The following CNTN4 variants were observed in gnomAD, a reference collection of about 807,000 sequenced individuals.
CNTN4 encodes contactin 4, also known as contactin-4.
CNTN4 carries 77 observed loss-of-function variants against 122.5 expected under a neutral mutation model. That is an observed-to-expected ratio of 0.63 (90% CI 0.52 to 0.76). The LOEUF (loss-of-function observed/expected upper bound fraction) is 0.76. Ranked by LOEUF, CNTN4 falls within the 30% of genes least tolerant of loss-of-function variation. CNTN4 has a pLI of 0.00. For missense variants in CNTN4, 1,256 were observed against 1,259.1 expected (o/e 1.00, Z 0.04); for synonymous variants, 512 against 447.0 (o/e 1.15, Z -1.83).
Position 2,895,342 on chromosome 3 carries a change from A to G in CNTN4, c.941-5343A>G, listed in dbSNP as rs147533762. ...TAATGATAATGTTCTCCTAATTTTC[A>G]TAACATTTACAGGAGGCAGAGCACA... On this transcript the variant is annotated intron_variant, in intron 10 of 24. Coordinates refer to ENST00000418658, the MANE Select transcript of CNTN4 (RefSeq NM_175607.3). Among the ~76,000 whole-genome samples the G allele has an allele frequency of 7.9e-3, 1,205 of 152,340 alleles. 9 individuals are homozygous for G. The highest frequency in any genetic ancestry group is 0.014 in the South Asian group (69 of 4,826).
intron 4 of CNTN4, among the ~76,000 whole-genome samples, chr3:2,672,514 C>A (rs1364549728): frequency 6.6e-6 from 1 of 152,212 alleles, no homozygotes; most frequent in East Asian, 1.9e-4. Context: ...CCGTCTGTCA[C>A]CCCTTTCCTT....
At chr3:2,337,938 A>C (rs531122980) in intron 2 of CNTN4, among the ~76,000 whole-genome samples, 1 of 152,198 alleles carries the variant, frequency 6.6e-6, no homozygotes, top group Admixed American at 6.5e-5. Flanking sequence ...TAATGTAAGA[A>C]AGATAGGTGT....
intron 4 of CNTN4, among the ~76,000 whole-genome samples, chr3:2,724,265 G>A (rs1230083150): frequency 1.3e-5 from 2 of 152,022 alleles, no homozygotes; most frequent in South Asian, 2.1e-4. Flanking sequence ...TGGATTTCCC[G>A]ACAAACTTTC....
At chr3:3,043,265 TAGC>T in intron 22 of CNTN4, 102 bp downstream of exon 22, 13 of 1,016,006 alleles carry the variant, frequency 1.3e-5, no homozygotes, top group Non-Finnish European at 2.0e-5. Context: ...TACTAATTAG[TAGC>T]ATGTGGATTC....
chr3:2,370,875 A>G (rs2045606649), intron 3 of CNTN4, among the ~76,000 whole-genome samples: 3 of 152,328 alleles, frequency 2.0e-5, no homozygotes, highest in African/African-American at 4.8e-5. Context: ...TTAGGCATGC[A>G]GTTTTTAAGA....
intron 2 of CNTN4, among the ~76,000 whole-genome samples, chr3:2,224,936 G>A (rs1345605880): frequency 6.6e-6 from 1 of 151,720 alleles, no homozygotes; most frequent in Non-Finnish European, 1.5e-5. Flanking sequence ...GGATCACGAG[G>A]TCAGGAGATG....
intron 2 of CNTN4, among the ~76,000 whole-genome samples, chr3:2,338,949 A>G (rs377006007): frequency 2.0e-5 from 3 of 152,244 alleles, no homozygotes; most frequent in East Asian, 1.9e-4. Context: ...GACCTTCTCA[A>G]AAGTCACTCA....
chr3:2,753,822 T>A (rs114113956), intron 6 of CNTN4, among the ~76,000 whole-genome samples: 258 of 152,358 alleles, frequency 1.7e-3, no homozygotes, highest in African/African-American at 5.8e-3. Context: ...CTTGATGCCA[T>A]CATACTGTTG....
chr3:2,779,509 C>G (rs988692003), intron 6 of CNTN4, among the ~76,000 whole-genome samples: 3 of 151,992 alleles, frequency 2.0e-5, no homozygotes, highest in Admixed American at 2.0e-4. Flanking sequence ...ACTTAGAAAT[C>G]AATTTTATTT....
intron 3 of CNTN4, among the ~76,000 whole-genome samples, chr3:2,437,616 A>T (rs1468767976): frequency 1.3e-5 from 2 of 152,238 alleles, no homozygotes; most frequent in African/African-American, 4.8e-5. Context: ...TATATTGATT[A>T]AAAGATAGAT....
chr3:2,672,030 G>A lies in CNTN4; in HGVS notation c.56-64185G>A, dbSNP rs1235584717. Among the ~76,000 whole-genome samples, 3 of 152,342 alleles carry A rather than the reference G, an allele frequency of 2.0e-5. 1 individual carries two copies. The highest frequency in any genetic ancestry group is 6.8e-3 in the Middle Eastern group (2 of 294). Reference sequence around the variant, plus strand: ...GAGGTGTCAGTCTGCCCCTACTGGGGGGTGCCTCCCAGTTAGGCTACTCAG... The same window carrying A: ...GAGGTGTCAGTCTGCCCCTACTGGGAGGTGCCTCCCAGTTAGGCTACTCAG... On this transcript the variant is annotated intron_variant, in intron 4 of 24. Transcript: ENST00000418658.
At chr3:2,819,159 G>T (rs180935391) in intron 6 of CNTN4, among the ~76,000 whole-genome samples, 53 of 152,288 alleles carry the variant, frequency 3.5e-4, no homozygotes, top group African/African-American at 1.1e-3. Context: ...TGCTGGCCAA[G>T]GTGATAATCA....
intron 14 of CNTN4, among the ~76,000 whole-genome samples, chr3:2,994,311 T>G (rs1270284689): frequency 1.3e-5 from 2 of 152,162 alleles, no homozygotes; most frequent in East Asian, 3.9e-4. Context: ...CTTTTCTGTT[T>G]ATTTAAATGT....
At chr3:2,459,256 G>A (rs1227217975) in intron 3 of CNTN4, among the ~76,000 whole-genome samples, 2 of 152,038 alleles carry the variant, frequency 1.3e-5, no homozygotes, top group African/African-American at 4.8e-5. Flanking sequence ...TACTTTTCCA[G>A]CCTTTTTTCT....
intron 3 of CNTN4, among the ~76,000 whole-genome samples, chr3:2,403,782 G>C (rs1224501598): frequency 3.9e-5 from 6 of 152,132 alleles, no homozygotes; most frequent in Non-Finnish European, 1.5e-5. Context: ...TTCAGGTGTA[G>C]AGGTGATGAA....
chr3:2,384,978 A>G (rs1041829226), intron 3 of CNTN4, among the ~76,000 whole-genome samples: 4 of 151,972 alleles, frequency 2.6e-5, no homozygotes, highest in African/African-American at 9.7e-5. Flanking sequence ...ATTTGGCTTG[A>G]AAGTCATTGT....
chr3:2,997,171 T>G (rs1695612329), intron 14 of CNTN4, among the ~76,000 whole-genome samples: 1 of 152,240 alleles, frequency 6.6e-6, no homozygotes, highest in Non-Finnish European at 1.5e-5. Context: ...GCTAATTGTG[T>G]AATAAATAAA....
intron 2 of CNTN4, among the ~76,000 whole-genome samples, chr3:2,113,035 A>G (rs978340435): frequency 1.3e-5 from 2 of 152,138 alleles, no homozygotes; most frequent in African/African-American, 2.4e-5. Context: ...TATACTTTCA[A>G]TGGAAAGGAT....
intron 2 of CNTN4, among the ~76,000 whole-genome samples, chr3:2,316,293 AATGTGTTTTTAAAGAC>A (rs2043096433): frequency 6.6e-6 from 1 of 152,044 alleles, no homozygotes; most frequent in South Asian, 2.1e-4. Flanking sequence ...CTGACAATAA[AATGTGTTTTTAAAGAC>A]ATGCTTTATC....
Sources: gnomAD v4.1 joint callset for allele counts (sites outside exome capture counted in the v4.1 genomes callset) on GRCh38, gnomAD v4.1.1 for gene constraint, MANE v1.5 for transcripts, NCBI Gene and HGNC (gene_info 2026-07-23, HGNC 2026-07-21) for gene names.